MYLK: variants seen among roughly 807,000 people sequenced by gnomAD.
MYLK encodes the protein myosin light chain kinase, also known as myosin light chain kinase, smooth muscle.
A neutral mutation model predicts 203.4 loss-of-function variants in MYLK; 106 were observed. The observed-to-expected ratio is 0.52, with a 90% confidence interval of 0.45 to 0.61. The LOEUF (loss-of-function observed/expected upper bound fraction) is 0.61. Among genes scored for constraint, MYLK ranks in the 20% least tolerant of loss-of-function variants. MYLK has a pLI of 0.00. For missense variants in MYLK, 2,072 were observed against 2,442.3 expected, an observed-to-expected ratio of 0.85 and a Z score of 3.20; for synonymous variants, 867 against 959.5, an observed-to-expected ratio of 0.90 and a Z score of 1.78.
At chr3:123,761,504 G>A (rs958318275) in intron 4 of MYLK, among the ~76,000 whole-genome samples, 1 of 152,192 alleles carries the variant, frequency 6.6e-6, no homozygotes, top group Admixed American at 6.5e-5. Flanking sequence ...ATGTGGCCAG[G>A]AGAGCATCTC....
chr3:123,775,093 A>G (rs372273606), intron 4 of MYLK, among the ~76,000 whole-genome samples: 1 of 151,972 alleles, frequency 6.6e-6, no homozygotes, highest in East Asian at 1.9e-4. Flanking sequence ...GTGTAATCAT[A>G]GCTCACTGCA....
intron 13 of MYLK, among the ~76,000 whole-genome samples, chr3:123,714,266 G>T (rs2108684026): frequency 6.6e-6 from 1 of 152,348 alleles, no homozygotes; most frequent in East Asian, 1.9e-4. Flanking sequence ...GGAGGGAGAT[G>T]CTGCTGGTGG....
intron 28 of MYLK, among the ~76,000 whole-genome samples, chr3:123,639,324 G>A (rs903244932): frequency 2.0e-5 from 3 of 152,120 alleles, no homozygotes; most frequent in African/African-American, 4.8e-5. Context: ...TCGGAACCTC[G>A]CCCCTGCTTA....
chr3:123,795,414 C>T (rs2064950502), intron 3 of MYLK, among the ~76,000 whole-genome samples: 1 of 152,090 alleles, frequency 6.6e-6, no homozygotes, highest in African/African-American at 2.4e-5. Flanking sequence ...CAAATGACTC[C>T]AAAAGTGGAA....
At chr3:123,821,469 A>G (rs186696212) in intron 3 of MYLK, among the ~76,000 whole-genome samples, 32 of 152,338 alleles carry the variant, frequency 2.1e-4, no homozygotes, top group Non-Finnish European at 1.5e-5. Context: ...CCCCATGATC[A>G]GGGATTATCT....
chr3:123,749,156 A>G (rs535617692), intron 5 of MYLK, among the ~76,000 whole-genome samples: 15 of 150,790 alleles, frequency 9.9e-5, no homozygotes, highest in African/African-American at 3.4e-4. Context: ...GTGCAGGCCT[A>G]TAGTCCCAGC....
At chr3:123,649,119 C>T in intron 25 of MYLK, 43 bp downstream of exon 25, 1 of 1,614,104 alleles carries the variant, frequency 6.2e-7, no homozygotes, top group Non-Finnish European at 8.5e-7. Flanking sequence ...ACTCAGCCCC[C>T]TCCACCCCAA....
intron 5 of MYLK, among the ~76,000 whole-genome samples, chr3:123,750,913 A>G (rs1051541634): frequency 1.3e-5 from 2 of 152,188 alleles, no homozygotes; most frequent in Non-Finnish European, 2.9e-5. Context: ...GAATTTAAGG[A>G]AAGCATCCAA....
chr3:123,614,733 T>G (rs1318071511), intron 33 of MYLK, among the ~76,000 whole-genome samples: 2 of 151,816 alleles, frequency 1.3e-5, no homozygotes, highest in East Asian at 3.9e-4. Context: ...GCTCAAACGA[T>G]CCTCCCTTCT....
intron 14 of MYLK, chr3:123,709,510 C>T: frequency 3.8e-6 from 2 of 528,158 alleles, no homozygotes; most frequent in Non-Finnish European, 6.8e-6. Flanking sequence ...TCAAATTAAT[C>T]TTTCACTGCT....
chr3:123,643,997 G>A (rs1229059274), intron 27 of MYLK, among the ~76,000 whole-genome samples: 2 of 152,248 alleles, frequency 1.3e-5, no homozygotes, highest in Non-Finnish European at 2.9e-5. Context: ...TAGGCCAGGG[G>A]CCTGAAGGAA....
In MYLK at chr3:123,733,876, G is replaced by A. The variant is rs1553822427; in HGVS notation, c.1120C>T (p.Pro374Ser). 6.2e-7 allele frequency: 1 copy of A among 1,614,100 alleles called. No homozygotes were observed. The highest frequency in any genetic ancestry group is 8.5e-7 in the Non-Finnish European group (1 of 1,180,042). Residue 374 changes from proline to serine, a missense_variant, in exon 10 of 34, where the codon CCA (proline) becomes TCA (serine). By Grantham distance (74) the Pro-to-Ser change is moderately conservative. Transcript: ENST00000360304. The stretch of plus-strand genomic sequence containing the variant: ...AAGGTGGCTGGACGGGGAGGAGCTG[G>A]CCTCTTCCTCTCTTCTCCAGAAGGT... Reference protein sequence around the residue: ...LSPSGEERKRPAPPRPATFPT... With the variant: ...LSPSGEERKRSAPPRPATFPT...
rs1054002712 is a variant in MYLK, at chr3:123,629,680, A to G, written c.4962-54T>C. Reference sequence around the variant, plus strand: ...GTGGCTAGGAGAGGGCGCGACGACCAGGTGAGTGGTAACTGAGGTCAAAGG... The same window carrying G: ...GTGGCTAGGAGAGGGCGCGACGACCGGGTGAGTGGTAACTGAGGTCAAAGG... On this transcript the variant is annotated intron_variant, in intron 29 of 33. Transcript: ENST00000360304. This position sits in a 1 kb window ranked among gnomAD's most constrained non-coding sequence, Gnocchi z 4.4. The G allele has an allele frequency of 6.2e-7, 1 of 1,603,926 alleles. No homozygotes were observed. The highest frequency in any genetic ancestry group is 1.3e-5 in the African/African-American group (1 of 74,650).
At chr3:123,742,787 C>T (rs1196351943) in intron 5 of MYLK, among the ~76,000 whole-genome samples, 1 of 152,112 alleles carries the variant, frequency 6.6e-6, no homozygotes, top group Non-Finnish European at 1.5e-5. Flanking sequence ...TATTATTCAG[C>T]TGTAAAAGGA....
Position 123,732,999 on chromosome 3 carries a change from G to C in MYLK, c.1413C>G (p.Tyr471Ter), listed in dbSNP as rs751748077. Residue 471 changes from tyrosine (Y) to a stop codon, truncating the protein, a stop_gained, in exon 11 of 34, where the codon TAC becomes TAG. Coordinates refer to ENST00000360304, the MANE Select transcript of MYLK (RefSeq NM_053025.4). LOFTEE classifies it high-confidence loss of function. ...TGGTCCGGGCTTTCAGCAGGCAGAG[G>C]TAATGGGAGCCAGCATCTTCATAAA... is the stretch of plus-strand genomic sequence containing the variant. ...IEVYEDAGSHYLCLLKARTRD... is the reference protein window; with the variant it reads ...IEVYEDAGSH 29 of 1,614,068 alleles carry C rather than the reference G, an allele frequency of 1.8e-5. No homozygotes were observed. The highest frequency in any genetic ancestry group is 2.4e-5 in the Non-Finnish European group (28 of 1,180,036).
In MYLK at chr3:123,754,567, G is replaced by A. The variant is rs146237506; in HGVS notation, c.166-2029C>T. Among the ~76,000 whole-genome samples, 533 of 152,282 alleles carry A rather than the reference G, an allele frequency of 3.5e-3. 2 individuals carry two copies. Among genetic ancestry groups the A allele is most frequent in the Non-Finnish European group, 5.7e-3 (385 of 68,030 alleles). On this transcript the variant is annotated intron_variant, in intron 4 of 33. Transcript: ENST00000360304. ...TAGCCTCACCAAAACAAGTGTTCCA[G>A]AACTTAGGCTGACAGTGTTGAAGGA...
At chr3:123,702,974 T>C (rs554586648) in intron 16 of MYLK, among the ~76,000 whole-genome samples, 1 of 152,326 alleles carries the variant, frequency 6.6e-6, no homozygotes, top group African/African-American at 2.4e-5. Flanking sequence ...CTGGGACATG[T>C]GTGTGTTCAT....
chr3:123,858,512 T>C (rs1211482068), intron 2 of MYLK, among the ~76,000 whole-genome samples: 13 of 152,166 alleles, frequency 8.5e-5, no homozygotes, highest in Admixed American at 8.5e-4. Context: ...GTAAGAACCT[T>C]CCTGCTGGTG....
chr3:123,620,121 GAAC>G (rs899653907), intron 32 of MYLK, 83 bp downstream of exon 32: 3 of 1,144,276 alleles, frequency 2.6e-6, no homozygotes, highest in African/African-American at 3.3e-5. Flanking sequence ...AAAAAAAAAA[GAAC>G]AAAACCAACC....
Sources: gnomAD v4.1 joint callset for allele counts (sites outside exome capture counted in the v4.1 genomes callset) on GRCh38, gnomAD v4.1.1 for gene constraint, Gnocchi (gnomAD v3.1) non-coding constraint, MANE v1.5 for transcripts, NCBI Gene and HGNC (gene_info 2026-07-23, HGNC 2026-07-21) for gene names.